SMCHD1: variants seen among roughly 807,000 people sequenced by gnomAD.
SMCHD1 encodes structural maintenance of chromosomes flexible hinge domain-containing protein 1.
A neutral mutation model predicts 254.7 loss-of-function variants in SMCHD1; 78 were observed. The ratio of observed to expected loss-of-function variants is 0.31; its 90% CI spans 0.26 to 0.37. The LOEUF is 0.37. SMCHD1 is among the 10% of genes least tolerant of loss of function. The pLI is 1.00. For synonymous variants in SMCHD1, 766 were observed against 794.9 expected (o/e 0.96, Z 0.61); for missense variants, 1,840 against 2,408.1 (o/e 0.76, Z 4.94).
chr18:2,703,946 T>C, intron 13 of SMCHD1, 60 bp downstream of exon 13: 1 of 1,292,138 alleles, frequency 7.7e-7, no homozygotes, highest in Non-Finnish European at 1.0e-6. Context: ...AAAACACATA[T>C]GCAGAATCAC....
chr18:2,769,109 G>A (rs1338316089), intron 37 of SMCHD1, among the ~76,000 whole-genome samples: 1 of 152,068 alleles, frequency 6.6e-6, no homozygotes, highest in Non-Finnish European at 1.5e-5. Flanking sequence ...AAATATATTT[G>A]TGTCATTTAC....
At chr18:2,691,730 C>G (rs765770821) in intron 7 of SMCHD1, 2 of 152,192 alleles carry the variant, frequency 1.3e-5, no homozygotes, top group Non-Finnish European at 2.9e-5. Context: ...TAGAATGATG[C>G]CAGGAATCTG....
intron 34 of SMCHD1, among the ~76,000 whole-genome samples, chr18:2,754,475 A>G (rs946502938): frequency 1.3e-5 from 2 of 152,240 alleles, no homozygotes; most frequent in Non-Finnish European, 2.9e-5. Context: ...GTCACAGAGT[A>G]TGTGCTTAAT....
chr18:2,659,029 A>G (rs1403403123), intron 1 of SMCHD1, among the ~76,000 whole-genome samples: 1 of 152,146 alleles, frequency 6.6e-6, no homozygotes, highest in Admixed American at 6.5e-5. Context: ...GAGACAAAAT[A>G]ATATACTAAA....
In SMCHD1 at chr18:2,656,248, C is replaced by CCT. The variant is rs2073052521; in HGVS notation, c.173_174insCT (p.Gln62ValfsTer48). ...CGCTCGGACTACGCGGGATTTCGCG[C>CCT]GTGTGTGTGTCAGGTACGCGAAGGG... On this transcript the variant is annotated frameshift_variant, in exon 1 of 48. Transcript: ENST00000320876. LOFTEE classifies it high-confidence loss of function. The CCT allele has an allele frequency of 6.7e-7, 1 of 1,501,674 alleles. No homozygotes were observed. Among genetic ancestry groups the CCT allele is most frequent in the Non-Finnish European group, 8.8e-7 (1 of 1,135,324 alleles). 93.0% of individuals were successfully genotyped at this position (1,501,674 alleles called of 1,614,324 possible).
rs370798014 is a variant in SMCHD1, at chr18:2,802,505, T to G, written c.5994-23T>G. ...AGGAAACCTTTGGTACATAAAACTT[T>G]TTTTTCTTTCCCCTTTGACCAGGAT... On this transcript the variant is annotated intron_variant, in intron 47 of 47. Coordinates refer to ENST00000320876, the MANE Select transcript of SMCHD1 (RefSeq NM_015295.3). The G allele has an allele frequency of 1.2e-4, 186 of 1,544,694 alleles. No individual in the cohort carries two copies. Among genetic ancestry groups the G allele is most frequent in the African/African-American group, 6.2e-4 (45 of 72,720 alleles).
chr18:2,799,441 C>T (rs2076320835), intron 47 of SMCHD1, among the ~76,000 whole-genome samples: 1 of 152,146 alleles, frequency 6.6e-6, no homozygotes, highest in Non-Finnish European at 1.5e-5. Flanking sequence ...TACCCCTATT[C>T]CATCCTTCAG....
chr18:2,780,770 C>T (rs1169587313), intron 44 of SMCHD1, among the ~76,000 whole-genome samples: 2 of 152,088 alleles, frequency 1.3e-5, no homozygotes, highest in Non-Finnish European at 2.9e-5. Flanking sequence ...TCCTTCATGC[C>T]TATATGAATG....
chr18:2,736,204 T>C (rs2075246282), intron 25 of SMCHD1, among the ~76,000 whole-genome samples: 1 of 152,190 alleles, frequency 6.6e-6, no homozygotes, highest in African/African-American at 2.4e-5. Context: ...TGGCTAGCCA[T>C]ATGCAGAAGA....
At chr18:2,717,649 C>A (rs1006538081) in intron 17 of SMCHD1, among the ~76,000 whole-genome samples, 1 of 152,152 alleles carries the variant, frequency 6.6e-6, no homozygotes, top group Admixed American at 6.5e-5. Context: ...TGTGTTCCTT[C>A]TTAGATAGAA....
In SMCHD1 at chr18:2,697,778, C is replaced by G. The variant is rs1351132225; in HGVS notation, c.1132-53C>G. The G allele has an allele frequency of 2.8e-5, 35 of 1,239,310 alleles. No individual in the cohort carries two copies. The East Asian group carries it at 8.3e-4, about 29-fold the overall frequency. 76.8% of individuals were successfully genotyped at this position (1,239,310 alleles called of 1,614,324 possible). The stretch of plus-strand genomic sequence containing the variant: ...TCTGTTGTTGAATCATAGCTGAGAA[C>G]AAAAGTAAAGTTACCATAGAATTTA... On this transcript the variant is annotated intron_variant, in intron 9 of 47. Coordinates refer to ENST00000320876, the MANE Select transcript of SMCHD1 (RefSeq NM_015295.3).
intron 25 of SMCHD1, among the ~76,000 whole-genome samples, chr18:2,733,503 G>GTC (rs1282974695): frequency 6.6e-6 from 1 of 152,250 alleles, no homozygotes; most frequent in African/African-American, 2.4e-5. Context: ...TGTTTTAACA[G>GTC]TCTGTGGATG....
At chr18:2,792,916 C>T (rs1006940146) in intron 45 of SMCHD1, among the ~76,000 whole-genome samples, 1 of 152,184 alleles carries the variant, frequency 6.6e-6, no homozygotes, top group Non-Finnish European at 1.5e-5. Flanking sequence ...CATAGCCAGT[C>T]TTGTTTCATT....
At chr18:2,686,842 ATTAT>A (rs1290301615) in intron 5 of SMCHD1, among the ~76,000 whole-genome samples, 3 of 151,912 alleles carry the variant, frequency 2.0e-5, no homozygotes, top group Non-Finnish European at 4.4e-5. Flanking sequence ...CTTTATTTTG[ATTAT>A]TTATATATGA....
At position 2,750,481 on chromosome 18, in the gene SMCHD1, CCTT is replaced by C; in HGVS notation, c.4143_4145del (p.Phe1381del). The C allele has an allele frequency of 6.2e-7, 1 of 1,606,144 alleles. No individual in the cohort carries two copies. On this transcript the variant is annotated inframe_deletion, in exon 32 of 48. Transcript: ENST00000320876. ...AATGTTAAATATGACAAAGATGCATCCTTCTTAGCAGGGGGTCTTTTCACTGGT... is the reference window on the plus strand; with the variant it reads ...AATGTTAAATATGACAAAGATGCATCCTTAGCAGGGGGTCTTTTCACTGGT...
chr18:2,666,565 GCCTGATT>G (rs575107067), intron 2 of SMCHD1, among the ~76,000 whole-genome samples: 1 of 151,998 alleles, frequency 6.6e-6, no homozygotes, highest in Non-Finnish European at 1.5e-5. Flanking sequence ...GGTTTTTCAT[GCCTGATT>G]CCATCTGAAT....
intron 5 of SMCHD1, among the ~76,000 whole-genome samples, chr18:2,675,779 T>G (rs527619870): frequency 6.6e-6 from 1 of 152,016 alleles, no homozygotes; most frequent in African/African-American, 2.4e-5. Context: ...ACTGGAAGAG[T>G]AGAAAGAAAT....
At chr18:2,706,949 A>G (rs997321241) in intron 15 of SMCHD1, among the ~76,000 whole-genome samples, 1 of 152,178 alleles carries the variant, frequency 6.6e-6, no homozygotes, top group African/African-American at 2.4e-5. Context: ...GCCATGTCTT[A>G]CATGGGCGGC....
chr18:2,730,417 A>T (rs2111678), intron 24 of SMCHD1, among the ~76,000 whole-genome samples: 1 of 151,834 alleles, frequency 6.6e-6, no homozygotes, highest in African/African-American at 2.4e-5. Context: ...TGATCCACCC[A>T]CCTCGGCCTC....
Sources: gnomAD v4.1 joint callset for allele counts (sites outside exome capture counted in the v4.1 genomes callset) on GRCh38, gnomAD v4.1.1 for gene constraint, MANE v1.5 for transcripts, NCBI Gene and HGNC (gene_info 2026-07-23, HGNC 2026-07-21) for gene names.